Variants in STARD13 observed in about 807,000 individuals in gnomAD.
STARD13 encodes the protein StAR related lipid transfer domain containing 13, also known as stAR-related lipid transfer protein 13.
Under a neutral mutation model 106.4 loss-of-function variants are expected in STARD13, and 62 were observed. That is an observed-to-expected ratio of 0.58 (90% CI 0.48 to 0.72). STARD13 has a LOEUF of 0.72. Among genes scored for constraint, STARD13 ranks in the 30% least tolerant of loss-of-function variants. The probability of loss-of-function intolerance (pLI) is 0.00; values close to 1 mark genes in which losing one functional copy is unlikely to be tolerated. For synonymous variants in STARD13, 565 were observed against 553.0 expected (o/e 1.02, Z -0.31); for missense variants, 1,387 against 1,424.0 (o/e 0.97, Z 0.42).
Position 33,129,132 on chromosome 13 carries a change from A to G in STARD13, c.1545T>C (p.Asp515=). ...ATAAGCCAGGTTCCCCAACCAATGTATCATGAGTTTGCAGTTCAGGCAAGA... is the reference window on the plus strand; with the variant it reads ...ATAAGCCAGGTTCCCCAACCAATGTGTCATGAGTTTGCAGTTCAGGCAAGA... ...KDVLPELQTH[D]TLVGEPGLST... is the part of the protein sequence containing the mutation. Residue 515 remains aspartate, a synonymous_variant, in exon 5 of 14, where the codon GAT becomes GAC. Transcript: ENST00000336934. The G allele has an allele frequency of 1.2e-6, 2 of 1,614,208 alleles. No homozygotes were observed. The highest frequency in any genetic ancestry group is 1.1e-5 in the South Asian group (1 of 91,088).
At chr13:33,402,268 A>C in the STARD13 span, among the ~76,000 whole-genome samples, 3 of 152,258 alleles carry the variant, frequency 2.0e-5, no homozygotes, top group African/African-American at 7.2e-5. Context: ...GTAGAAAAGA[A>C]TATTTGAAAG....
intron 1 of STARD13, among the ~76,000 whole-genome samples, chr13:33,295,802 C>T (rs373871663): frequency 4.0e-5 from 6 of 151,776 alleles, no homozygotes; most frequent in African/African-American, 1.5e-4. Flanking sequence ...CATACCTGGG[C>T]GAGAAGGCTA....
chr13:33,298,648 C>T (rs960415787), intron 1 of STARD13, among the ~76,000 whole-genome samples: 3 of 152,082 alleles, frequency 2.0e-5, no homozygotes, highest in African/African-American at 2.4e-5. Flanking sequence ...CATACACACA[C>T]GCATCTCATA....
At chr13:33,140,058 A>G (rs1879609314) in intron 4 of STARD13, among the ~76,000 whole-genome samples, 2 of 152,250 alleles carry the variant, frequency 1.3e-5, no homozygotes, top group South Asian at 4.1e-4. Flanking sequence ...GATGCGATAT[A>G]AAGACTACAT....
the STARD13 span, among the ~76,000 whole-genome samples, chr13:33,452,512 C>G: frequency 1.3e-5 from 2 of 152,160 alleles, no homozygotes; most frequent in African/African-American, 4.8e-5. Flanking sequence ...AATGTGAGTA[C>G]TAGAAATTAA....
chr13:33,631,522 G>T, the STARD13 span, among the ~76,000 whole-genome samples: 1 of 152,194 alleles, frequency 6.6e-6, no homozygotes, highest in Non-Finnish European at 1.5e-5. Context: ...GAGCATTCCA[G>T]GTCCTAATGC....
At chr13:33,302,359 G>A (rs1339594817) in intron 1 of STARD13, among the ~76,000 whole-genome samples, 1 of 152,062 alleles carries the variant, frequency 6.6e-6, no homozygotes, top group Non-Finnish European at 1.5e-5. Flanking sequence ...ACTATTCTAA[G>A]GGCTTTACAT....
chr13:33,123,166 C>T (rs1201111255), intron 7 of STARD13, among the ~76,000 whole-genome samples: 1 of 151,494 alleles, frequency 6.6e-6, no homozygotes, highest in African/African-American at 2.4e-5. Flanking sequence ...TGACAAACAG[C>T]CAGCGGGGGC....
the STARD13 span, among the ~76,000 whole-genome samples, chr13:33,400,543 C>A: frequency 6.6e-6 from 1 of 151,692 alleles, no homozygotes; most frequent in Non-Finnish European, 1.5e-5. Context: ...CTCACTGTAA[C>A]CTCCACTCCC....
rs947191363 is a variant in STARD13, at chr13:33,103,807, T to C, written c.*1786A>G. 2 of 152,234 alleles carry C rather than the reference T, an allele frequency of 1.3e-5. No homozygotes were observed. The highest frequency in any genetic ancestry group is 6.5e-5 in the Admixed American group (1 of 15,292). 9.4% of individuals were successfully genotyped at this position (152,234 alleles called of 1,614,324 possible). Reference sequence around the variant, plus strand: ...CTTCACTGGTGATCTTGTTGATGCATATAAAGTAATCTGGCATATATGGTT... The same window carrying C: ...CTTCACTGGTGATCTTGTTGATGCACATAAAGTAATCTGGCATATATGGTT... On this transcript the variant is annotated 3_prime_UTR_variant, in exon 14 of 14. Coordinates refer to ENST00000336934, the MANE Select transcript of STARD13 (RefSeq NM_178006.4).
At chr13:33,194,125 T>G (rs1018475429) in intron 1 of STARD13, among the ~76,000 whole-genome samples, 1 of 152,336 alleles carries the variant, frequency 6.6e-6, no homozygotes, top group Non-Finnish European at 1.5e-5. Flanking sequence ...AGATGCATAC[T>G]CTTCTAGCTC....
intron 3 of STARD13, among the ~76,000 whole-genome samples, chr13:33,161,037 T>C (rs1237141507): frequency 6.6e-6 from 1 of 152,160 alleles, no homozygotes; most frequent in Admixed American, 6.5e-5. Flanking sequence ...GGCTAATGGA[T>C]AAACAACCGT....
chr13:33,468,070 C>A, the STARD13 span, among the ~76,000 whole-genome samples: 1 of 152,154 alleles, frequency 6.6e-6, no homozygotes, highest in African/African-American at 2.4e-5. Flanking sequence ...TGAATGGCTC[C>A]CAAAAAGGCT....
the STARD13 span, among the ~76,000 whole-genome samples, chr13:33,669,530 C>CTTT: frequency 7.1e-3 from 730 of 103,108 alleles, 25 homozygotes; most frequent in African/African-American, 0.026. Context: ...AGAGGATGTT[C>CTTT]TTTTTTTTTT....
intron 1 of STARD13, among the ~76,000 whole-genome samples, chr13:33,234,213 C>T (rs190578308): frequency 1.2e-4 from 18 of 152,336 alleles, no homozygotes; most frequent in Admixed American, 5.9e-4. Flanking sequence ...ATCTACCCCT[C>T]GAGATGGAGA....
chr13:33,152,671 C>A (rs1045682658), intron 3 of STARD13, among the ~76,000 whole-genome samples: 1 of 152,212 alleles, frequency 6.6e-6, no homozygotes, highest in Non-Finnish European at 1.5e-5. Context: ...CCCAGCCCAG[C>A]CCACATACCT....
intron 1 of STARD13, among the ~76,000 whole-genome samples, chr13:33,188,543 C>G (rs1885975301): frequency 6.6e-6 from 1 of 152,196 alleles, no homozygotes; most frequent in Non-Finnish European, 1.5e-5. Flanking sequence ...CACTCACAAA[C>G]TCTTTTGTCT....
chr13:33,672,013 C>T, the STARD13 span, among the ~76,000 whole-genome samples: 2 of 152,296 alleles, frequency 1.3e-5, no homozygotes, highest in African/African-American at 4.8e-5. Context: ...AATCCCATTA[C>T]TGGGTATATA....
the STARD13 span, among the ~76,000 whole-genome samples, chr13:33,367,253 A>G: frequency 6.6e-6 from 1 of 152,162 alleles, no homozygotes; most frequent in African/African-American, 2.4e-5. Context: ...TGTTAGACAT[A>G]AAAAAAGAAT....
Sources: gnomAD v4.1 joint callset for allele counts (sites outside exome capture counted in the v4.1 genomes callset) on GRCh38, gnomAD v4.1.1 for gene constraint, MANE v1.5 for transcripts, NCBI Gene and HGNC (gene_info 2026-07-23, HGNC 2026-07-21) for gene names.